BRF1: variants seen among roughly 807,000 people sequenced by gnomAD.
The protein encoded by BRF1 is BRF1 general transcription factor IIIB subunit.
Under a neutral mutation model 81.7 loss-of-function variants are expected in BRF1, and 59 were observed. The ratio of observed to expected loss-of-function variants is 0.72; its 90% CI spans 0.59 to 0.90. The LOEUF is 0.90. Among genes scored for constraint, BRF1 ranks in the 40% least tolerant of loss-of-function variants. BRF1 has a pLI of 0.00. For synonymous variants in BRF1, 491 were observed against 395.6 expected, an observed-to-expected ratio of 1.24 and a Z score of -2.86; for missense variants, 1,050 against 936.3, an observed-to-expected ratio of 1.12 and a Z score of -1.58.
chr14:105,223,977 G>A (rs587616400), intron 10 of BRF1, among the ~76,000 whole-genome samples: 1 of 152,320 alleles, frequency 6.6e-6, no homozygotes, highest in African/African-American at 2.4e-5. Context: ...ATAGTTTAAC[G>A]ATGTACAGCC....
intron 14 of BRF1, 113 bp from the exon 15 acceptor site, chr14:105,217,913 C>T: frequency 1.3e-6 from 2 of 1,481,546 alleles, no homozygotes; most frequent in Non-Finnish European, 1.8e-6. Context: ...CTCAGGCCCT[C>T]AGAAGGGCCG....
At chr14:105,212,188 C>G (rs772572837) in intron 15 of BRF1, 24 bp from the exon 16 acceptor site, 1 of 1,606,812 alleles carries the variant, frequency 6.2e-7, no homozygotes, top group East Asian at 2.2e-5. Context: ...CACAGCATGG[C>G]GGCCTCAGCC....
intron 2 of BRF1, among the ~76,000 whole-genome samples, chr14:105,283,689 G>A (rs1202774828): frequency 6.6e-6 from 1 of 152,136 alleles, no homozygotes; most frequent in Non-Finnish European, 1.5e-5. Context: ...CGTCTGCACC[G>A]ACACTACTCT....
At chr14:105,241,704 C>T (rs1043317538) in intron 5 of BRF1, 39 of 475,394 alleles carry the variant, frequency 8.2e-5, no homozygotes, top group Non-Finnish European at 1.3e-4. Flanking sequence ...CACAGAGGGG[C>T]GCACACCCAG....
chr14:105,214,780 C>T (rs1363612448), intron 15 of BRF1, among the ~76,000 whole-genome samples: 4 of 152,218 alleles, frequency 2.6e-5, no homozygotes, highest in Admixed American at 1.3e-4. Context: ...TGGGCTGAGG[C>T]AGTGCCTCCT....
chr14:105,277,948 G>T (rs923949195), intron 2 of BRF1, among the ~76,000 whole-genome samples: 2 of 152,096 alleles, frequency 1.3e-5, no homozygotes, highest in African/African-American at 4.8e-5. Flanking sequence ...TACAGACAGG[G>T]TTTCACACTG....
intron 12 of BRF1, chr14:105,219,701 C>T (rs1448007711): frequency 1.2e-5 from 5 of 413,080 alleles, no homozygotes; most frequent in Non-Finnish European, 2.2e-5. Context: ...GGCTGGAAGC[C>T]CTGGGGTTTG....
intron 1 of BRF1, among the ~76,000 whole-genome samples, chr14:105,294,423 G>A (rs587681217): frequency 3.3e-5 from 5 of 152,352 alleles, no homozygotes; most frequent in Admixed American, 1.3e-4. Flanking sequence ...AGGGCAGTGC[G>A]CTGTCACCAG....
Position 105,210,724 on chromosome 14 carries a change from A to G in BRF1, c.1997-136T>C. The G allele has an allele frequency of 1.1e-6, 1 of 905,774 alleles. No individual in the cohort carries two copies. The highest frequency in any genetic ancestry group is 1.6e-6 in the Non-Finnish European group (1 of 627,414). 56.1% of individuals were successfully genotyped at this position (905,774 alleles called of 1,614,324 possible). ...CAGCCCCAGCCCCCCGCGCCCCGCC[A>G]GGAGCCATCTTGGGCTCCTCTCCAC... On this transcript the variant is annotated intron_variant, in intron 17 of 17. Transcript: ENST00000547530. This position sits in a 1 kb window ranked among gnomAD's most constrained non-coding sequence, Gnocchi z 4.7.
chr14:105,252,293 T>C (rs185484772), intron 5 of BRF1: 8 of 842,510 alleles, frequency 9.5e-6, no homozygotes, highest in Admixed American at 6.2e-5. Flanking sequence ...TGAGCTACGA[T>C]TGTGCCACTG....
At chr14:105,247,467 A>T in intron 5 of BRF1, 1 of 985,348 alleles carries the variant, frequency 1.0e-6, no homozygotes. Context: ...CTGGGTTGTC[A>T]GCCTTTTCCT....
intron 5 of BRF1, chr14:105,249,523 C>A: frequency 1.2e-6 from 2 of 1,606,122 alleles, no homozygotes; most frequent in Non-Finnish European, 1.7e-6. Flanking sequence ...CCGTTTTAGG[C>A]GGCCTCCGGA....
At chr14:105,274,258 C>A (rs1004034545) in intron 2 of BRF1, among the ~76,000 whole-genome samples, 12 of 152,148 alleles carry the variant, frequency 7.9e-5, no homozygotes, top group African/African-American at 2.7e-4. Flanking sequence ...TGCTCTCCTG[C>A]CGCATTCTTC....
chr14:105,287,229 T>G (rs1372872573), intron 1 of BRF1, among the ~76,000 whole-genome samples: 1 of 152,116 alleles, frequency 6.6e-6, no homozygotes, highest in Non-Finnish European at 1.5e-5. Context: ...AAACATCAGG[T>G]GGACATTTGG....
At chr14:105,213,709 C>T (rs1595237355) in intron 15 of BRF1, among the ~76,000 whole-genome samples, 2 of 152,186 alleles carry the variant, frequency 1.3e-5, no homozygotes, top group South Asian at 4.1e-4. Flanking sequence ...TCCTGACAGA[C>T]AAGTCCAGCT....
At chr14:105,305,623 G>A (rs1002470147), upstream of BRF1, among the ~76,000 whole-genome samples, 5 of 152,186 alleles carry the variant, frequency 3.3e-5, no homozygotes, top group African/African-American at 1.2e-4. Context: ...CTGAGGCAGG[G>A]AGTAACGCTC....
chr14:105,307,516 G>A (rs2058224856), intron 1 of BRF1, among the ~76,000 whole-genome samples: 1 of 152,108 alleles, frequency 6.6e-6, no homozygotes, highest in Admixed American at 6.6e-5. Flanking sequence ...GGAACTGTGA[G>A]TAATAAACTC....
At chr14:105,228,965 C>A (rs184541194) in intron 6 of BRF1, 52 bp from the exon 7 acceptor site, 2 of 1,547,754 alleles carry the variant, frequency 1.3e-6, no homozygotes, top group East Asian at 2.2e-5. Context: ...ACCAGGGCAA[C>A]ATCTGTGGCG....
chr14:105,288,112 G>C (rs990063057), intron 1 of BRF1, among the ~76,000 whole-genome samples: 1 of 152,202 alleles, frequency 6.6e-6, no homozygotes, highest in African/African-American at 2.4e-5. Context: ...CTATGTACTA[G>C]TTTTCTGTGG....
Sources: allele counts gnomAD v4.1 joint callset (sites outside exome capture counted in the v4.1 genomes callset), GRCh38; gene constraint gnomAD v4.1.1; non-coding constraint Gnocchi (gnomAD v3.1); transcripts MANE v1.5; gene names NCBI Gene and HGNC (gene_info 2026-07-23, HGNC 2026-07-21).